Variants in KCNC2 observed in about 807,000 individuals in gnomAD.
KCNC2 encodes the protein potassium voltage-gated channel subfamily C member 2.
Under a neutral mutation model 44.5 loss-of-function variants are expected in KCNC2, and 21 were observed. The ratio of observed to expected loss-of-function variants is 0.47; its 90% confidence interval spans 0.33 to 0.68. KCNC2 has a LOEUF of 0.68. Among genes scored for constraint, KCNC2 ranks in the 30% least tolerant of loss-of-function variants. The pLI, the probability that KCNC2 is intolerant of heterozygous loss-of-function variation, is 0.01. For missense variants in KCNC2, 589 were observed against 826.2 expected (o/e 0.71, Z 3.52); for synonymous variants, 391 against 339.1 (o/e 1.15, Z -1.68).
intron 4 of KCNC2, chr12:75,044,688 C>T (rs544775173): frequency 3.9e-5 from 6 of 151,970 alleles, no homozygotes; most frequent in South Asian, 4.1e-4. Context: ...GAAAAGAAAA[C>T]GATGAACATT....
At chr12:75,145,794 G>A (rs1889981746) in intron 2 of KCNC2, among the ~76,000 whole-genome samples, 1 of 151,974 alleles carries the variant, frequency 6.6e-6, no homozygotes, top group Admixed American at 6.6e-5. Context: ...TGAAAATATA[G>A]AAAAATATAG....
intron 2 of KCNC2, among the ~76,000 whole-genome samples, chr12:75,154,695 G>C (rs1030754725): frequency 1.3e-5 from 2 of 151,940 alleles, no homozygotes; most frequent in African/African-American, 4.8e-5. Context: ...TATGTGAGCT[G>C]GTCACCCAAA....
intron 2 of KCNC2, among the ~76,000 whole-genome samples, chr12:75,102,765 C>T (rs1026497994): frequency 3.3e-5 from 5 of 151,936 alleles, no homozygotes; most frequent in Non-Finnish European, 7.4e-5. Context: ...ACATAGTGAG[C>T]TTTGAGTGGG....
chr12:75,111,474 C>G (rs1006896221), intron 2 of KCNC2, among the ~76,000 whole-genome samples: 1 of 152,020 alleles, frequency 6.6e-6, no homozygotes, highest in African/African-American at 2.4e-5. Flanking sequence ...GAAAGAGTTT[C>G]TCTAAAGAAT....
intron 2 of KCNC2, among the ~76,000 whole-genome samples, chr12:75,069,238 G>C (rs764459163): frequency 1.4e-5 from 2 of 139,492 alleles, no homozygotes; most frequent in Admixed American, 1.6e-4. Flanking sequence ...AGGTTCAAGC[G>C]ATTCTCCTGC....
At chr12:75,068,481 T>C (rs564468742) in intron 2 of KCNC2, among the ~76,000 whole-genome samples, 1 of 152,340 alleles carries the variant, frequency 6.6e-6, no homozygotes, top group Non-Finnish European at 1.5e-5. Context: ...TGTGTGTGGC[T>C]ATGTTGTGTA....
intron 2 of KCNC2, among the ~76,000 whole-genome samples, chr12:75,187,345 T>C (rs959426172): frequency 2.0e-5 from 3 of 152,244 alleles, no homozygotes; most frequent in African/African-American, 7.2e-5. Context: ...TGCCATTATT[T>C]AAAATATGTT....
At chr12:75,201,346 C>G (rs1341233546) in intron 2 of KCNC2, among the ~76,000 whole-genome samples, 1 of 137,096 alleles carries the variant, frequency 7.3e-6, no homozygotes, top group African/African-American at 2.7e-5. Context: ...GGAGTGCAAT[C>G]TGAATGGGCA....
chr12:75,129,641 G>T (rs1888688338), intron 2 of KCNC2, among the ~76,000 whole-genome samples: 1 of 152,106 alleles, frequency 6.6e-6, no homozygotes, highest in African/African-American at 2.4e-5. Flanking sequence ...TGAGAAAGTA[G>T]AAACTGTACT....
At chr12:75,087,094 C>G (rs1220176770) in intron 2 of KCNC2, among the ~76,000 whole-genome samples, 1 of 152,000 alleles carries the variant, frequency 6.6e-6, no homozygotes, top group Non-Finnish European at 1.5e-5. Context: ...GATACATAAA[C>G]AATTAATGAT....
intron 2 of KCNC2, among the ~76,000 whole-genome samples, chr12:75,200,936 T>C (rs966625235): frequency 5.9e-5 from 9 of 151,596 alleles, no homozygotes; most frequent in African/African-American, 1.5e-4. Flanking sequence ...ATATAAAATA[T>C]GAAAAGGGGA....
intron 2 of KCNC2, among the ~76,000 whole-genome samples, chr12:75,168,320 C>T (rs1351099028): frequency 6.6e-6 from 1 of 151,164 alleles, no homozygotes; most frequent in Non-Finnish European, 1.5e-5. Flanking sequence ...TGTCTATATG[C>T]TAGTTATTGT....
intron 2 of KCNC2, among the ~76,000 whole-genome samples, chr12:75,127,926 A>G (rs149912841): frequency 1.3e-5 from 2 of 152,274 alleles, no homozygotes; most frequent in African/African-American, 4.8e-5. Context: ...TCTATTTTCT[A>G]TTACTTTTTC....
chr12:75,086,735 C>T (rs943458115), intron 2 of KCNC2, among the ~76,000 whole-genome samples: 9 of 141,082 alleles, frequency 6.4e-5, no homozygotes, highest in African/African-American at 2.3e-4. Flanking sequence ...TATATAAATA[C>T]AGAGACATAG....
chr12:75,163,058 G>A (rs1184627232), intron 2 of KCNC2, among the ~76,000 whole-genome samples: 1 of 151,732 alleles, frequency 6.6e-6, no homozygotes, highest in Non-Finnish European at 1.5e-5. Context: ...ATGTGAGTCA[G>A]TATTTGCTTC....
At chr12:75,095,831 A>T (rs1204697210) in intron 2 of KCNC2, among the ~76,000 whole-genome samples, 1 of 151,886 alleles carries the variant, frequency 6.6e-6, no homozygotes, top group Non-Finnish European at 1.5e-5. Flanking sequence ...TAAATTTTCA[A>T]ATTTTCCTGA....
At chr12:75,183,355 T>A (rs1365681558) in intron 2 of KCNC2, among the ~76,000 whole-genome samples, 1 of 152,212 alleles carries the variant, frequency 6.6e-6, no homozygotes, top group Admixed American at 6.5e-5. Flanking sequence ...ACCAGGATCC[T>A]TTCTAAAACA....
intron 2 of KCNC2, among the ~76,000 whole-genome samples, chr12:75,106,694 C>T (rs148714381): frequency 1.3e-5 from 2 of 152,134 alleles, no homozygotes; most frequent in Non-Finnish European, 2.9e-5. Flanking sequence ...CACCACCACT[C>T]TTATTAATAG....
At chr12:75,043,312 G>C in intron 4 of KCNC2, 71 bp from the exon 5 acceptor site, 1 of 1,549,630 alleles carries the variant, frequency 6.5e-7, no homozygotes, top group East Asian at 2.3e-5. Flanking sequence ...ATACCATGCA[G>C]GGCAATCAAA....
Sources: allele counts gnomAD v4.1 joint callset (sites outside exome capture counted in the v4.1 genomes callset), GRCh38; gene constraint gnomAD v4.1.1; transcripts MANE v1.5; gene names NCBI Gene and HGNC (gene_info 2026-07-23, HGNC 2026-07-21).